The following SLC2A12 variants were observed in gnomAD, a reference collection of about 807,000 sequenced individuals.
The protein encoded by SLC2A12 is solute carrier family 2 member 12.
In SLC2A12, 23 loss-of-function variants were observed where a neutral mutation model predicts 41.8. The ratio of observed to expected loss-of-function variants is 0.55; its 90% CI spans 0.40 to 0.78. SLC2A12 has a LOEUF of 0.78. SLC2A12 is among the 30% of genes least tolerant of loss of function. SLC2A12 has a pLI of 0.00. For synonymous variants in SLC2A12, 295 were observed against 285.9 expected, an observed-to-expected ratio of 1.03 and a Z score of -0.32; for missense variants, 654 against 745.6, an observed-to-expected ratio of 0.88 and a Z score of 1.43.
chr6:134,052,377 C>T lies in SLC2A12; in HGVS notation c.103+1G>A. The T allele has an allele frequency of 6.2e-7, 1 of 1,610,850 alleles. No individual in the cohort carries two copies. Among genetic ancestry groups the T allele is most frequent in the Non-Finnish European group, 8.5e-7 (1 of 1,179,374 alleles). ...ACCCGAGCACTGCAGGCTCACTTTA[C>T]CTCTCGCCCAGGGAGGATGCCGGCT... is the stretch of plus-strand genomic sequence containing the variant. On this transcript the variant is annotated splice_donor_variant, in intron 1 of 4. Coordinates refer to ENST00000275230, the MANE Select transcript of SLC2A12 (RefSeq NM_145176.3). LOFTEE classifies it high-confidence loss of function.
intron 1 of SLC2A12, among the ~76,000 whole-genome samples, chr6:134,036,347 C>CA (rs1166968491): frequency 6.6e-6 from 1 of 152,156 alleles, no homozygotes; most frequent in African/African-American, 2.4e-5. Context: ...TCTCCCTGAA[C>CA]GCCTTTGTTC....
intron 1 of SLC2A12, among the ~76,000 whole-genome samples, chr6:134,051,043 T>C (rs1773676136): frequency 6.6e-6 from 1 of 152,144 alleles, no homozygotes; most frequent in Non-Finnish European, 1.5e-5. Flanking sequence ...GCCTCCTGAG[T>C]AGCTGAGATT....
At chr6:133,993,569 A>T (rs1776649762) in intron 4 of SLC2A12, among the ~76,000 whole-genome samples, 1 of 152,266 alleles carries the variant, frequency 6.6e-6, no homozygotes, top group African/African-American at 2.4e-5. Flanking sequence ...ACAACAGTGA[A>T]CAAAATTCCC....
At chr6:134,010,784 G>A (rs951341596) in intron 2 of SLC2A12, among the ~76,000 whole-genome samples, 4 of 152,172 alleles carry the variant, frequency 2.6e-5, no homozygotes, top group Admixed American at 6.5e-5. Context: ...GGGCAAGTTC[G>A]TTGAAGTCTC....
At position 134,029,616 on chromosome 6, in the gene SLC2A12, G is replaced by C. The variant is rs746320069; in HGVS notation, c.209C>G (p.Thr70Ser). The change falls in exon 2 of 5, where the codon ACC (threonine) becomes AGC (serine). Residue 70 changes from threonine to serine, a missense_variant. Physicochemically the swap from Thr to Ser is moderately conservative, Grantham distance 58. This residue lies in a region of SLC2A12 where 109 missense variants were observed against 153.0 expected (regional missense o/e 0.71). Coordinates refer to ENST00000275230, the MANE Select transcript of SLC2A12 (RefSeq NM_145176.3). Reference protein sequence around the residue: ...IISGALLQIKTLLALSCHEQE... With the variant: ...IISGALLQIKSLLALSCHEQE... ...CTCATGGCAGCTCAGGGCTAATAAG[G>C]TTTTGATCTGAAGAAGAGCCCCAGA... is the stretch of plus-strand genomic sequence containing the variant. The C allele has an allele frequency of 1.2e-6, 2 of 1,613,962 alleles. No individual in the cohort carries two copies. The highest frequency in any genetic ancestry group is 1.7e-6 in the Non-Finnish European group (2 of 1,180,008).
intron 4 of SLC2A12, among the ~76,000 whole-genome samples, 172 bp from the exon 5 acceptor site, chr6:133,991,480 C>G (rs1776622768): frequency 6.6e-6 from 1 of 152,154 alleles, no homozygotes; most frequent in African/African-American, 2.4e-5. Context: ...ATGCCACAGA[C>G]TTTGGTCAAT....
At chr6:134,016,677 T>C (rs1350723096) in intron 2 of SLC2A12, among the ~76,000 whole-genome samples, 1 of 152,232 alleles carries the variant, frequency 6.6e-6, no homozygotes, top group Admixed American at 6.5e-5. Context: ...ATCATTAAAC[T>C]GTGACAGGCT....
At chr6:134,005,659 T>TAAAAAAAAAAAAAA (rs56710009) in intron 3 of SLC2A12, among the ~76,000 whole-genome samples, 5 of 64,970 alleles carry the variant, frequency 7.7e-5, no homozygotes, top group African/African-American at 2.7e-4. Context: ...GACTCTGTCT[T>TAAAAAAAAAAAAAA]AAAAAAAAAA....
chr6:133,998,864 C>T (rs1218418019), intron 4 of SLC2A12, among the ~76,000 whole-genome samples: 1 of 152,138 alleles, frequency 6.6e-6, no homozygotes, highest in Non-Finnish European at 1.5e-5. Flanking sequence ...AGGAATTTTG[C>T]TCCCTGAGTT....
Position 134,028,833 on chromosome 6 carries a change from G to A in SLC2A12, c.992C>T (p.Thr331Ile). 1.2e-6 allele frequency: 2 copies of A among 1,614,218 alleles called. No individual in the cohort carries two copies. The highest frequency in any genetic ancestry group is 1.7e-6 in the Non-Finnish European group (2 of 1,180,048). The part of the protein sequence containing the change: ...TGVGVVKVIS[T>I]IPATLLVDHV... ...GTCTACAAGAAGAGTGGCAGGGATGGTGCTAATGACCTTGACGACTCCAAC... is the reference window on the plus strand; with the variant it reads ...GTCTACAAGAAGAGTGGCAGGGATGATGCTAATGACCTTGACGACTCCAAC... The change falls in exon 2 of 5, where the codon ACC (threonine) becomes ATC (isoleucine). Residue 331 changes from threonine (T) to isoleucine (I), a missense_variant. Coordinates refer to ENST00000275230, the MANE Select transcript of SLC2A12 (RefSeq NM_145176.3).
intron 1 of SLC2A12, among the ~76,000 whole-genome samples, chr6:134,030,448 A>C (rs1337978690): frequency 6.6e-6 from 1 of 152,238 alleles, no homozygotes; most frequent in East Asian, 1.9e-4. Flanking sequence ...GATGGAACAC[A>C]GGCAGAACAA....
chr6:134,002,732 G>A (rs1270049706), intron 3 of SLC2A12, among the ~76,000 whole-genome samples: 2 of 152,150 alleles, frequency 1.3e-5, no homozygotes, highest in African/African-American at 4.8e-5. Context: ...CAGTGTATTT[G>A]TAATGTTTCT....
chr6:134,027,642 G>A (rs889158071), intron 2 of SLC2A12, among the ~76,000 whole-genome samples: 3 of 152,130 alleles, frequency 2.0e-5, no homozygotes, highest in African/African-American at 7.2e-5. Flanking sequence ...TCAGGCTTTA[G>A]ATGTGAGGCT....
chr6:134,032,449 A>ATTT (rs1562201692), intron 1 of SLC2A12, among the ~76,000 whole-genome samples: 29 of 31,956 alleles, frequency 9.1e-4, no homozygotes, highest in African/African-American at 3.4e-3. Flanking sequence ...TATATATATA[A>ATTT]ATATATATAT....
At chr6:134,051,605 C>CA (rs1773685309) in intron 1 of SLC2A12, among the ~76,000 whole-genome samples, 1 of 152,114 alleles carries the variant, frequency 6.6e-6, no homozygotes, top group African/African-American at 2.4e-5. Flanking sequence ...GAAGAGGCAG[C>CA]AAAAAGCGTA....
intron 3 of SLC2A12, among the ~76,000 whole-genome samples, chr6:134,003,449 A>G (rs190853160): frequency 1.3e-4 from 20 of 152,314 alleles, no homozygotes; most frequent in Middle Eastern, 3.4e-3. Context: ...GGAGCTCACC[A>G]TTTCACGAAG....
Position 134,028,712 on chromosome 6 carries a change from G to T in SLC2A12, c.1113C>A (p.Asn371Lys). The change falls in exon 2 of 5, where the codon AAC (asparagine) becomes AAA (lysine). Residue 371 changes from asparagine (N) to lysine (K), a missense_variant. This residue lies in a region of SLC2A12 where 411 missense variants were observed against 412.1 expected (regional missense o/e 1.00). Coordinates refer to ENST00000275230, the MANE Select transcript of SLC2A12 (RefSeq NM_145176.3). The part of the protein sequence containing the change: ...MGIVNLNIHM[N>K]FTHICRSHNS... ...TGTGGCTTCTGCAGATATGGGTGAA[G>T]TTCATGTGGATGTTGAGATTTACGA... 6.2e-7 allele frequency: 1 copy of T among 1,614,208 alleles called. No individual in the cohort carries two copies. Among genetic ancestry groups the T allele is most frequent in the Non-Finnish European group, 8.5e-7 (1 of 1,180,042 alleles).
chr6:134,032,456 A>ATTTT (rs1562201718), intron 1 of SLC2A12, among the ~76,000 whole-genome samples: 2 of 36,338 alleles, frequency 5.5e-5, no homozygotes, highest in African/African-American at 2.4e-4. Context: ...ATAAATATAT[A>ATTTT]TATATATATT....
At chr6:134,009,601 G>T (rs2114437667) in intron 2 of SLC2A12, among the ~76,000 whole-genome samples, 1 of 152,042 alleles carries the variant, frequency 6.6e-6, no homozygotes, top group East Asian at 1.9e-4. Context: ...TGAGAGGATT[G>T]CTTGAGCTCA....
Sources: gnomAD v4.1 joint callset for allele counts (sites outside exome capture counted in the v4.1 genomes callset) on GRCh38, gnomAD v4.1.1 for gene constraint, gnomAD v4.1.1 regional missense constraint, MANE v1.5 for transcripts, NCBI Gene and HGNC (gene_info 2026-07-23, HGNC 2026-07-21) for gene names.